ZKSCAN2: variants seen among roughly 807,000 people sequenced by gnomAD.
ZKSCAN2 encodes zinc finger with KRAB and SCAN domains 2.
A neutral mutation model predicts 90.5 loss-of-function variants in ZKSCAN2; 38 were observed. The ratio of observed to expected loss-of-function variants is 0.42; its 90% CI spans 0.32 to 0.55. The LOEUF (loss-of-function observed/expected upper bound fraction) is 0.55, where lower values mean the gene tolerates loss of function less well. Ranked by LOEUF, ZKSCAN2 falls within the 20% of genes least tolerant of loss-of-function variation. The pLI is 0.11. For missense variants in ZKSCAN2, 1,167 were observed against 1,202.6 expected, an observed-to-expected ratio of 0.97 and a Z score of 0.44; for synonymous variants, 429 against 421.6, an observed-to-expected ratio of 1.02 and a Z score of -0.22.
chr16:25,243,656 A>G, intron 6 of ZKSCAN2, 129 bp downstream of exon 6: 1 of 1,170,260 alleles, frequency 8.5e-7, no homozygotes. Flanking sequence ...CTGTTCTTCA[A>G]GTAGCACAGG....
intron 6 of ZKSCAN2, among the ~76,000 whole-genome samples, chr16:25,241,057 C>T (rs1306252691): frequency 6.6e-6 from 1 of 152,168 alleles, no homozygotes; most frequent in East Asian, 1.9e-4. Context: ...CATAATTTCA[C>T]CTCTATACTA....
At position 25,246,717 on chromosome 16, in the gene ZKSCAN2, CTGAAACAAGACAGGGGCACCATGGA is replaced by C; in HGVS notation, c.1454_1478del (p.Ile485ArgfsTer42). On this transcript the variant is annotated frameshift_variant, in exon 5 of 7. Coordinates refer to ENST00000328086, the MANE Select transcript of ZKSCAN2 (RefSeq NM_001012981.5). LOFTEE classifies it high-confidence loss of function. ...AAGCACAATTCTTACCACTGAGATT[CTGAAACAAGACAGGGGCACCATGGA>C]TTTCAGACTTGCGGATAAATTCGAT... The C allele has an allele frequency of 6.2e-7, 1 of 1,614,190 alleles. No individual in the cohort carries two copies. The highest frequency in any genetic ancestry group is 1.3e-5 in the African/African-American group (1 of 75,046).
chr16:25,256,738 T>C lies in ZKSCAN2; in HGVS notation c.390A>G (p.Leu130=), dbSNP rs1410726787. The change falls in exon 1 of 7, where the codon CTA becomes CTG. Residue 130 remains leucine, a synonymous_variant. Coordinates refer to ENST00000328086, the MANE Select transcript of ZKSCAN2 (RefSeq NM_001012981.5). ...GAAAATCCTCTCTCACCTGCTGTCTTAGTCTTCCAGTCTCTTTCTCCAAAT... is the reference window on the plus strand; with the variant it reads ...GAAAATCCTCTCTCACCTGCTGTCTCAGTCTTCCAGTCTCTTTCTCCAAAT... ...VVHLEKETGR[L]RQQVSSPVHR... The C allele has an allele frequency of 5.6e-6, 9 of 1,611,616 alleles. No individual in the cohort carries two copies. Among genetic ancestry groups the C allele is most frequent in the Non-Finnish European group, 7.6e-6 (9 of 1,178,918 alleles).
intron 4 of ZKSCAN2, among the ~76,000 whole-genome samples, 176 bp downstream of exon 4, chr16:25,251,733 T>C (rs1476184519): frequency 6.6e-6 from 1 of 152,250 alleles, no homozygotes; most frequent in South Asian, 2.1e-4. Flanking sequence ...TTATTATTAT[T>C]TTTTTACTGG....
At chr16:25,244,651 A>G (rs1962907916) in intron 5 of ZKSCAN2, among the ~76,000 whole-genome samples, 1 of 152,250 alleles carries the variant, frequency 6.6e-6, no homozygotes, top group Non-Finnish European at 1.5e-5. Context: ...TATGGTGATT[A>G]ACTAAATGAT....
At chr16:25,253,149 C>A in intron 2 of ZKSCAN2, 112 bp from the exon 3 acceptor site, 1 of 847,712 alleles carries the variant, frequency 1.2e-6, no homozygotes. Context: ...TATAAATTCA[C>A]CATTTTATCT....
rs1221787243 is a variant in ZKSCAN2 at position 25,246,942 on chromosome 16, G to A, written c.1254C>T (p.Phe418=). The change falls in exon 5 of 7, where the codon TTC becomes TTT. Residue 418 remains phenylalanine (F), a synonymous_variant. Coordinates refer to ENST00000328086, the MANE Select transcript of ZKSCAN2 (RefSeq NM_001012981.5). The part of the protein sequence containing the change: ...RNGHMLEPCA[F]FEDMDALLNP... ...TCAACAAAGCATCCATGTCCTCAAA[G>A]AAGGCGCAGGGTTCTAGCATGTGGC... The A allele has an allele frequency of 1.2e-6, 2 of 1,614,200 alleles. No homozygotes were observed. The highest frequency in any genetic ancestry group is 1.7e-6 in the Non-Finnish European group (2 of 1,180,036).
chr16:25,236,313 C>A lies in ZKSCAN2; in HGVS notation c.*3503G>T, dbSNP rs1044282687. On this transcript the variant is annotated 3_prime_UTR_variant, in exon 7 of 7. Transcript: ENST00000328086. ...GTGCTTGGGGGGTGCCTGCTGTGGA[C>A]CACGAGGGACTTGCCCTTTCTCCTT... is the stretch of plus-strand genomic sequence containing the variant. 6.6e-6 allele frequency: 1 copy of A among 152,296 alleles called. No individual in the cohort carries two copies. Among genetic ancestry groups the A allele is most frequent in the African/African-American group, 2.4e-5 (1 of 41,458 alleles). The allele number at this position is 152,296 out of a possible 1,614,324, so 9.4% of individuals were successfully genotyped here. A position where few individuals can be genotyped will look rare whatever the true frequency, so the allele number is the denominator to read the frequency against.
chr16:25,240,733 C>G lies in ZKSCAN2; in HGVS notation c.1987G>C (p.Glu663Gln). The stretch of plus-strand genomic sequence containing the variant: ...TCCTCCTTGATGCTACTTCCGATTT[C>G]AAAATCTGAAAAAATGAAAGACAAT... ...PGLLQSPNDF[E>Q]IGSSIKEDPT... The change falls in exon 7 of 7, where the codon GAA (glutamate) becomes CAA (glutamine). Residue 663 changes from glutamate (E) to glutamine (Q), a missense_variant. Coordinates refer to ENST00000328086, the MANE Select transcript of ZKSCAN2 (RefSeq NM_001012981.5). The G allele has an allele frequency of 6.3e-7, 1 of 1,595,000 alleles. No individual in the cohort carries two copies. The highest frequency in any genetic ancestry group is 8.5e-7 in the Non-Finnish European group (1 of 1,169,616).
Position 25,239,504 on chromosome 16 carries a change from T to C in ZKSCAN2, c.*312A>G, listed in dbSNP as rs1028574068. On this transcript the variant is annotated 3_prime_UTR_variant, in exon 7 of 7. Transcript: ENST00000328086. ...TATCCTTGAAGACAACTCTCACCCA[T>C]ATGGAAGATCTTGAATGTTGCCGAA... 3 of 231,834 alleles carry C rather than the reference T, an allele frequency of 1.3e-5. No homozygotes were observed. The highest frequency in any genetic ancestry group is 4.5e-5 in the African/African-American group (2 of 44,438). 14.4% of individuals were successfully genotyped at this position (231,834 alleles called of 1,614,324 possible).
chr16:25,256,663 C>G, intron 1 of ZKSCAN2, 66 bp downstream of exon 1: 1 of 1,525,990 alleles, frequency 6.6e-7, no homozygotes, highest in Non-Finnish European at 8.8e-7. Flanking sequence ...TGCAATACAT[C>G]CCTGCCCACA....
rs1962934675 is a variant in ZKSCAN2 at position 25,246,454 on chromosome 16, C to A, written c.1489+253G>T. 9.2e-6 allele frequency: 5 copies of A among 543,212 alleles called. No homozygotes were observed. In the Admixed American group the frequency reaches 1.6e-4, roughly 17 times the overall value. 33.6% of individuals were successfully genotyped at this position (543,212 alleles called of 1,614,324 possible). A position where few individuals can be genotyped will look rare whatever the true frequency, so the allele number is the denominator to read the frequency against. On this transcript the variant is annotated intron_variant, in intron 5 of 6. Coordinates refer to ENST00000328086, the MANE Select transcript of ZKSCAN2 (RefSeq NM_001012981.5). Reference sequence around the variant, plus strand: ...TCCATTTGTCTTCCTTCCACAAGGACCCAAACACTCAAAATCCATGCTGTG... The same window carrying A: ...TCCATTTGTCTTCCTTCCACAAGGAACCAAACACTCAAAATCCATGCTGTG...
Position 25,257,648 on chromosome 16 carries a change from A to T in ZKSCAN2, c.-521T>A. On this transcript the variant is annotated 5_prime_UTR_variant, in exon 1 of 7. Coordinates refer to ENST00000328086, the MANE Select transcript of ZKSCAN2 (RefSeq NM_001012981.5). ...GCCGCTGGGGCCGCCGGATTCCGAG[A>T]GCGGCGCCGGGCTCTTTCGGGCCCA... is the stretch of plus-strand genomic sequence containing the variant. 5.9e-6 allele frequency: 2 copies of T among 338,526 alleles called. No homozygotes were observed. The highest frequency in any genetic ancestry group is 8.4e-6 in the Non-Finnish European group (2 of 238,856). The allele number at this position is 338,526 out of a possible 1,614,324, so 21.0% of individuals were successfully genotyped here. A position where few individuals can be genotyped will look rare whatever the true frequency, so the allele number is the denominator to read the frequency against.
In ZKSCAN2 at chr16:25,256,792, A is replaced by C; in HGVS notation, c.336T>G (p.Ser112Arg). ...QAWAQKQCPQSGEEAVALVVH... is the reference protein window; with the variant it reads ...QAWAQKQCPQRGEEAVALVVH... ...CTACCAGGGCCACCGCTTCCTCTCC[A>C]CTTTGCGGACACTGCTTCTGTGCCC... Residue 112 changes from serine to arginine, a missense_variant, in exon 1 of 7, where the codon AGT becomes AGG. Ser to Arg is a moderately radical substitution (Grantham distance 110, BLOSUM62 -1). Coordinates refer to ENST00000328086, the MANE Select transcript of ZKSCAN2 (RefSeq NM_001012981.5). The C allele has an allele frequency of 6.2e-7, 1 of 1,613,792 alleles. No individual in the cohort carries two copies. The highest frequency in any genetic ancestry group is 8.5e-7 in the Non-Finnish European group (1 of 1,179,964).
chr16:25,240,611 A>G lies in ZKSCAN2; in HGVS notation c.2109T>C (p.Tyr703=), dbSNP rs1366234815. 6.2e-7 allele frequency: 1 copy of G among 1,614,014 alleles called. No individual in the cohort carries two copies. Among genetic ancestry groups the G allele is most frequent in the Non-Finnish European group, 8.5e-7 (1 of 1,180,002 alleles). ...TTCCTGAGATGCATTCCCTTTTGCGATATTTGCTGGGGTCGGTACTCTGGG... is the reference window on the plus strand; with the variant it reads ...TTCCTGAGATGCATTCCCTTTTGCGGTATTTGCTGGGGTCGGTACTCTGGG... ...VVSQSTDPSK[Y]RKRECISGRQ... Residue 703 remains tyrosine, a synonymous_variant, in exon 7 of 7, where the codon TAT becomes TAC. Coordinates refer to ENST00000328086, the MANE Select transcript of ZKSCAN2 (RefSeq NM_001012981.5).
chr16:25,240,158 G>T lies in ZKSCAN2; in HGVS notation c.2562C>A (p.Thr854=). 1 of 1,613,902 alleles carries T rather than the reference G, an allele frequency of 6.2e-7. No homozygotes were observed. The highest frequency in any genetic ancestry group is 8.5e-7 in the Non-Finnish European group (1 of 1,180,000). The part of the protein sequence containing the change: ...SSLIIHQRTH[T]GEKPYQCGEC... The stretch of plus-strand genomic sequence containing the variant: ...CTCCACACTGATAGGGCTTCTCACC[G>T]GTGTGCGTTCTCTGATGTATAATAA... The change falls in exon 7 of 7, where the codon ACC becomes ACA. Residue 854 remains threonine, a synonymous_variant. Transcript: ENST00000328086.
In ZKSCAN2 at chr16:25,257,392, C is replaced by CT; in HGVS notation, c.-266dup. 8.4e-7 allele frequency: 1 copy of CT among 1,185,848 alleles called. No homozygotes were observed. Among genetic ancestry groups the CT allele is most frequent in the Non-Finnish European group, 1.0e-6 (1 of 959,230 alleles). 73.5% of individuals were successfully genotyped at this position (1,185,848 alleles called of 1,614,324 possible). A position where few individuals can be genotyped will look rare whatever the true frequency, so the allele number is the denominator to read the frequency against. On this transcript the variant is annotated 5_prime_UTR_variant, in exon 1 of 7. Coordinates refer to ENST00000328086, the MANE Select transcript of ZKSCAN2 (RefSeq NM_001012981.5). ...CAATGTGGTTTTCCAGAGTGCATCCCTCTTAGTGCAAAGTCGGAAACCGGG... is the reference window on the plus strand; with the variant it reads ...CAATGTGGTTTTCCAGAGTGCATCCCTTCTTAGTGCAAAGTCGGAAACCGGG...
Position 25,246,966 on chromosome 16 carries a change from G to A in ZKSCAN2, c.1230C>T (p.Gly410=), listed in dbSNP as rs1161711196. 1 of 1,614,106 alleles carries A rather than the reference G, an allele frequency of 6.2e-7. No individual in the cohort carries two copies. Among genetic ancestry groups the A allele is most frequent in the Non-Finnish European group, 8.5e-7 (1 of 1,180,030 alleles). Residue 410 remains glycine (G), a synonymous_variant, in exon 5 of 7, where the codon GGC becomes GGT. Transcript: ENST00000328086. ...AGAAGGCGCAGGGTTCTAGCATGTG[G>A]CCATTTCTCACCTTTCGATAGCTTT... ...LQKSYRKVRN[G]HMLEPCAFFE... is the part of the protein sequence containing the mutation.
chr16:25,253,044 G>T lies in ZKSCAN2; in HGVS notation c.587-7C>A. The T allele has an allele frequency of 6.2e-7, 1 of 1,609,172 alleles. No homozygotes were observed. The highest frequency in any genetic ancestry group is 2.2e-5 in the East Asian group (1 of 44,858). On this transcript the variant is annotated splice_polypyrimidine_tract_variant and splice_region_variant and intron_variant, in intron 2 of 6. Transcript: ENST00000328086. The stretch of plus-strand genomic sequence containing the variant: ...ACCCAGGGAGAAGGCCGAGCTGTAA[G>T]AATAGAAAGAAACGATTAGTAATCT...
Sources: allele counts gnomAD v4.1 joint callset (sites outside exome capture counted in the v4.1 genomes callset), GRCh38; gene constraint gnomAD v4.1.1; transcripts MANE v1.5; gene names NCBI Gene and HGNC (gene_info 2026-07-23, HGNC 2026-07-21).